The following MMP24 variants were observed in gnomAD, a reference collection of about 807,000 sequenced individuals.
The protein encoded by MMP24 is matrix metalloproteinase-24.
A neutral mutation model predicts 62.8 loss-of-function variants in MMP24; 25 were observed. The observed-to-expected ratio is 0.40, with a 90% CI of 0.29 to 0.56. The LOEUF (loss-of-function observed/expected upper bound fraction) is 0.56, where lower values mean the gene tolerates loss of function less well. Ranked by LOEUF, MMP24 falls within the 20% of genes least tolerant of loss-of-function variation. The probability of loss-of-function intolerance (pLI) is 0.50; values close to 1 mark genes in which losing one functional copy is unlikely to be tolerated. For synonymous variants in MMP24, 319 were observed against 350.5 expected, an observed-to-expected ratio of 0.91 and a Z score of 1.00; for missense variants, 634 against 853.6, an observed-to-expected ratio of 0.74 and a Z score of 3.21.
intron 4 of MMP24, among the ~76,000 whole-genome samples, chr20:35,255,545 G>A (rs2060570527): frequency 6.6e-6 from 1 of 152,144 alleles, no homozygotes; most frequent in Non-Finnish European, 1.5e-5. Flanking sequence ...GAATATTTAT[G>A]GAGGCAGAGT....
chr20:35,261,795 CTTTTTT>C (rs11335936), intron 4 of MMP24, among the ~76,000 whole-genome samples: 1 of 88,992 alleles, frequency 1.1e-5, no homozygotes, highest in South Asian at 4.6e-4. Context: ...TCAGGGCATC[CTTTTTT>C]TTTTTTTTTT....
chr20:35,237,987 G>T lies in MMP24; in HGVS notation c.247-8853G>T, dbSNP rs556490764. Among the ~76,000 whole-genome samples the T allele has an allele frequency of 2.2e-4, 34 of 152,342 alleles. No individual in the cohort carries two copies. In the Middle Eastern group the frequency reaches 0.01, roughly 46 times the overall value. ...TAAGCATTAAGCCAATATAGCAATG[G>T]ATGAGGAAGAATGATCTTAGGCCAC... On this transcript the variant is annotated intron_variant, in intron 1 of 8. Coordinates refer to ENST00000246186, the MANE Select transcript of MMP24 (RefSeq NM_006690.4).
chr20:35,273,538 T>C (rs1032941445), intron 8 of MMP24, among the ~76,000 whole-genome samples: 3 of 152,188 alleles, frequency 2.0e-5, no homozygotes, highest in Non-Finnish European at 4.4e-5. Context: ...TTGGCTGTCT[T>C]GTATACCTGA....
At chr20:35,267,662 A>C (rs2060643203) in intron 6 of MMP24, among the ~76,000 whole-genome samples, 1 of 152,192 alleles carries the variant, frequency 6.6e-6, no homozygotes, top group Non-Finnish European at 1.5e-5. Context: ...GCTGGGAGAA[A>C]GTGCTGGAAG....
chr20:35,227,371 C>G (rs551016344), intron 1 of MMP24, among the ~76,000 whole-genome samples: 1 of 150,958 alleles, frequency 6.6e-6, no homozygotes, highest in Non-Finnish European at 1.5e-5. Flanking sequence ...CGAGGATGTT[C>G]AAGCTGGAGA....
At chr20:35,255,310 G>A (rs766948306) in intron 4 of MMP24, among the ~76,000 whole-genome samples, 16 of 151,454 alleles carry the variant, frequency 1.1e-4, no homozygotes, top group Middle Eastern at 3.4e-3. Context: ...CAGCCCAGGC[G>A]ACAAGAGTGA....
chr20:35,273,824 T>A (rs1388017684), intron 8 of MMP24, among the ~76,000 whole-genome samples: 1 of 152,112 alleles, frequency 6.6e-6, no homozygotes, highest in African/African-American at 2.4e-5. Flanking sequence ...GCCAAAAAAA[T>A]CCATAATTGC....
Position 35,275,922 on chromosome 20 carries a change from C to T in MMP24, c.*1313C>T. The T allele has an allele frequency of 2.5e-6, 1 of 398,314 alleles. No individual in the cohort carries two copies. Among genetic ancestry groups the T allele is most frequent in the Non-Finnish European group, 4.4e-6 (1 of 226,080 alleles). 24.7% of individuals were successfully genotyped at this position (398,314 alleles called of 1,614,324 possible). On this transcript the variant is annotated 3_prime_UTR_variant, in exon 9 of 9. Transcript: ENST00000246186. Reference sequence around the variant, plus strand: ...CCCTTCACTGTCTCCAGCAGGAGTTCCTAGGGCTTGGCCTGCCTTGCTCCA... The same window carrying T: ...CCCTTCACTGTCTCCAGCAGGAGTTTCTAGGGCTTGGCCTGCCTTGCTCCA...
intron 6 of MMP24, among the ~76,000 whole-genome samples, chr20:35,268,810 A>G (rs8116228): frequency 0.041 from 6,166 of 151,446 alleles, 410 homozygotes; most frequent in African/African-American, 0.14. Flanking sequence ...GGCGGATCAT[A>G]AGGTCAGGAG....
At chr20:35,272,930 C>G (rs898073252) in intron 8 of MMP24, among the ~76,000 whole-genome samples, 1 of 152,152 alleles carries the variant, frequency 6.6e-6, no homozygotes, top group Non-Finnish European at 1.5e-5. Flanking sequence ...AGCACACCAT[C>G]CATGCTGTAT....
intron 1 of MMP24, among the ~76,000 whole-genome samples, chr20:35,243,056 G>C (rs2060496966): frequency 6.6e-6 from 1 of 152,078 alleles, no homozygotes; most frequent in Admixed American, 6.5e-5. Context: ...GCATGTGCCT[G>C]TAATCCCAGC....
intron 1 of MMP24, among the ~76,000 whole-genome samples, chr20:35,232,811 C>G (rs890186079): frequency 6.6e-6 from 1 of 152,084 alleles, no homozygotes; most frequent in Non-Finnish European, 1.5e-5. Flanking sequence ...TGGCTTTTGT[C>G]CAAAGGCTGA....
chr20:35,249,383 G>A (rs1600785338), intron 2 of MMP24, among the ~76,000 whole-genome samples: 1 of 152,186 alleles, frequency 6.6e-6, no homozygotes, highest in African/African-American at 2.4e-5. Context: ...CATTCATTTG[G>A]TCAACAACAT....
intron 3 of MMP24, among the ~76,000 whole-genome samples, 163 bp from the exon 4 acceptor site, chr20:35,254,287 C>T (rs187497932): frequency 7.2e-4 from 110 of 152,258 alleles, no homozygotes; most frequent in African/African-American, 2.5e-3. Flanking sequence ...GGTGGGGATC[C>T]AGAGCTCTGT....
At position 35,276,371 on chromosome 20, in the gene MMP24, C is replaced by T. The variant is rs1465031918; in HGVS notation, c.*1762C>T. 2 of 398,788 alleles carry T rather than the reference C, an allele frequency of 5.0e-6. No individual in the cohort carries two copies. Among genetic ancestry groups the T allele is most frequent in the Non-Finnish European group, 8.8e-6 (2 of 226,058 alleles). The allele number at this position is 398,788 out of a possible 1,614,324, so 24.7% of individuals were successfully genotyped here. On this transcript the variant is annotated 3_prime_UTR_variant, in exon 9 of 9. Transcript: ENST00000246186. ...ACAGTGTTTTATACTTTGCAAAGCA[C>T]TTTATTAGCTCACACCTGTCCACTC...
At chr20:35,245,789 AG>A (rs1402204870) in intron 1 of MMP24, among the ~76,000 whole-genome samples, 6 of 150,780 alleles carry the variant, frequency 4.0e-5, no homozygotes, top group African/African-American at 1.2e-4. Flanking sequence ...ATAATTTGCT[AG>A]CCAATTGTCA....
At chr20:35,267,161 G>A (rs937580200) in intron 5 of MMP24, 44 bp from the exon 6 acceptor site, 18 of 1,483,130 alleles carry the variant, frequency 1.2e-5, no homozygotes, top group African/African-American at 2.8e-5. Flanking sequence ...AATGGGAGGC[G>A]GGAAACGGCT....
rs1040261808 is a variant in MMP24 at position 35,269,853 on chromosome 20, G to A, written c.1288G>A (p.Asp430Asn). The change falls in exon 7 of 9, where the codon GAC becomes AAC. Residue 430 changes from aspartate (D) to asparagine (N), a missense_variant. Transcript: ENST00000246186. The surrounding 1 kb of genome is among the most constrained non-coding windows in gnomAD (Gnocchi z 4.6). Reference protein sequence around the residue: ...QFWKGLPARIDAAYERADGRF... With the variant: ...QFWKGLPARINAAYERADGRF... ...CTGGAAGGGCCTGCCTGCCCGCATC[G>A]ACGCAGCCTATGAAAGGGCCGATGG... is the stretch of plus-strand genomic sequence containing the variant. 1.1e-5 allele frequency: 17 copies of A among 1,553,656 alleles called. No homozygotes were observed. The highest frequency in any genetic ancestry group is 1.4e-5 in the Non-Finnish European group (16 of 1,148,192).
chr20:35,267,431 G>A lies in MMP24; in HGVS notation c.1194+12G>A. On this transcript the variant is annotated intron_variant, in intron 6 of 8. Transcript: ENST00000246186. ...TGTTTGTCTTTAAGGTAGGGCCAATGGATTGGCACCACCCAGCTGGCCCCT... is the reference window on the plus strand; with the variant it reads ...TGTTTGTCTTTAAGGTAGGGCCAATAGATTGGCACCACCCAGCTGGCCCCT... The A allele has an allele frequency of 6.5e-7, 1 of 1,548,928 alleles. No homozygotes were observed. Among genetic ancestry groups the A allele is most frequent in the Non-Finnish European group, 8.7e-7 (1 of 1,144,196 alleles).
Sources: gnomAD v4.1 joint callset for allele counts (sites outside exome capture counted in the v4.1 genomes callset) on GRCh38, gnomAD v4.1.1 for gene constraint, Gnocchi (gnomAD v3.1) non-coding constraint, MANE v1.5 for transcripts, NCBI Gene and HGNC (gene_info 2026-07-23, HGNC 2026-07-21) for gene names.